Variants in ANO2 observed in about 807,000 individuals in gnomAD.
The protein encoded by ANO2 is anoctamin-2.
ANO2 carries 101 observed loss-of-function variants against 124.2 expected under a neutral mutation model. The ratio of observed to expected loss-of-function variants is 0.81; its 90% CI spans 0.69 to 0.96. The LOEUF (loss-of-function observed/expected upper bound fraction) is 0.96. ANO2 is among the 40% of genes least tolerant of loss of function. ANO2 has a pLI of 0.00. For synonymous variants in ANO2, 486 were observed against 482.5 expected (o/e 1.01, Z -0.09); for missense variants, 1,293 against 1,274.5 (o/e 1.01, Z -0.22).
intron 3 of ANO2, among the ~76,000 whole-genome samples, chr12:5,907,964 G>A (rs999026805): frequency 2.0e-5 from 3 of 152,228 alleles, no homozygotes; most frequent in Non-Finnish European, 2.9e-5. Context: ...GCTCACAGGC[G>A]TGGCCTGAGT....
chr12:5,618,411 G>A (rs560212769), intron 16 of ANO2, among the ~76,000 whole-genome samples: 1 of 152,286 alleles, frequency 6.6e-6, no homozygotes, highest in South Asian at 2.1e-4. Flanking sequence ...ATACGTAGGT[G>A]TGCACTGTCA....
At chr12:5,710,215 G>A (rs1040209456) in intron 14 of ANO2, among the ~76,000 whole-genome samples, 3 of 152,192 alleles carry the variant, frequency 2.0e-5, no homozygotes, top group Non-Finnish European at 2.9e-5. Flanking sequence ...GTGGAGAGAG[G>A]GGACAGGCCC....
chr12:5,648,948 G>A (rs1946779613), intron 14 of ANO2, among the ~76,000 whole-genome samples: 1 of 152,202 alleles, frequency 6.6e-6, no homozygotes, highest in Admixed American at 6.5e-5. Flanking sequence ...GCCTTTGAAA[G>A]CTTGTACTGT....
chr12:5,638,243 T>C (rs376062063), intron 15 of ANO2, among the ~76,000 whole-genome samples: 3 of 141,454 alleles, frequency 2.1e-5, no homozygotes, highest in African/African-American at 7.8e-5. Flanking sequence ...TTTCCTTTTT[T>C]TTTTTTTTTT....
At chr12:5,575,719 C>A in intron 23 of ANO2, 115 bp downstream of exon 23, 1 of 1,196,286 alleles carries the variant, frequency 8.4e-7, no homozygotes, top group Non-Finnish European at 1.2e-6. Flanking sequence ...ATGTGGTCTG[C>A]TGTTGTCCAA....
intron 14 of ANO2, among the ~76,000 whole-genome samples, chr12:5,712,288 A>G (rs908697321): frequency 6.7e-6 from 1 of 148,788 alleles, no homozygotes; most frequent in East Asian, 1.9e-4. Flanking sequence ...CTGACTTGGA[A>G]AAAAAAAAAA....
rs371928953 is a variant in ANO2, at chr12:5,578,384, C to T, written c.2368G>A (p.Val790Ile). 3.1e-6 allele frequency: 5 copies of T among 1,613,784 alleles called. No homozygotes were observed. The highest frequency in any genetic ancestry group is 1.1e-5 in the South Asian group (1 of 91,064). ...CACGTACCGATATCTTTGGTTCTTACAGCATCCGGCCGTCTCAGCTCTGTA... is the reference window on the plus strand; with the variant it reads ...CACGTACCGATATCTTTGGTTCTTATAGCATCCGGCCGTCTCAGCTCTGTA... ...FVTELRRPDAVRTKDIGIWFD... is the reference protein window; with the variant it reads ...FVTELRRPDAIRTKDIGIWFD... Residue 790 changes from valine (V) to isoleucine (I), a missense_variant, in exon 21 of 25, where the codon GTA (valine) becomes ATA (isoleucine). Val to Ile is a conservative substitution (Grantham distance 29, BLOSUM62 3). Coordinates refer to ENST00000682330, the MANE Select transcript of ANO2 (RefSeq NM_001364791.2).
chr12:5,600,003 TC>T (rs1478020778), intron 19 of ANO2, among the ~76,000 whole-genome samples: 14 of 152,194 alleles, frequency 9.2e-5, no homozygotes, highest in Non-Finnish European at 1.5e-4. Context: ...AGGTCTGTTC[TC>T]CTCCTAGGTG....
At chr12:5,723,636 C>G (rs796425817) in intron 14 of ANO2, among the ~76,000 whole-genome samples, 1 of 132,564 alleles carries the variant, frequency 7.5e-6, no homozygotes, top group Non-Finnish European at 1.6e-5. Flanking sequence ...GGCGGGGGCG[C>G]GGGTAGAGAA....
chr12:5,582,607 T>C (rs1382241746), intron 20 of ANO2, among the ~76,000 whole-genome samples: 2 of 152,234 alleles, frequency 1.3e-5, no homozygotes, highest in Non-Finnish European at 2.9e-5. Context: ...TTTTTACTCA[T>C]TTATTTAAGA....
At chr12:5,926,042 T>C (rs1267708745) in intron 1 of ANO2, among the ~76,000 whole-genome samples, 1 of 152,226 alleles carries the variant, frequency 6.6e-6, no homozygotes, top group African/African-American at 2.4e-5. Context: ...AAAGTCAACA[T>C]GCCCAAATCC....
intron 19 of ANO2, among the ~76,000 whole-genome samples, chr12:5,600,481 T>C (rs1943887977): frequency 6.6e-6 from 1 of 152,222 alleles, no homozygotes. Context: ...AGAATGATAA[T>C]AATGGCCCAA....
intron 10 of ANO2, among the ~76,000 whole-genome samples, chr12:5,773,258 T>C (rs1206276748): frequency 6.6e-6 from 1 of 152,224 alleles, no homozygotes; most frequent in African/African-American, 2.4e-5. Context: ...TTTCCTGTAG[T>C]CCTCAATTAC....
At chr12:5,808,272 T>C (rs530220340) in intron 7 of ANO2, among the ~76,000 whole-genome samples, 1 of 152,344 alleles carries the variant, frequency 6.6e-6, no homozygotes, top group Non-Finnish European at 1.5e-5. Context: ...TAAACAAATG[T>C]GAAATGAACA....
intron 4 of ANO2, among the ~76,000 whole-genome samples, chr12:5,851,739 G>A (rs534562805): frequency 6.6e-6 from 1 of 151,554 alleles, no homozygotes; most frequent in East Asian, 1.9e-4. Flanking sequence ...GCAAAGAACA[G>A]AGAGAGAGGC....
chr12:5,814,207 C>T (rs1476747517), intron 7 of ANO2, among the ~76,000 whole-genome samples: 1 of 152,244 alleles, frequency 6.6e-6, no homozygotes, highest in Non-Finnish European at 1.5e-5. Flanking sequence ...AAGAGCTCTA[C>T]TATTGTTAAT....
At chr12:5,914,843 G>A (rs1333108951) in intron 3 of ANO2, among the ~76,000 whole-genome samples, 2 of 152,208 alleles carry the variant, frequency 1.3e-5, no homozygotes, top group Non-Finnish European at 2.9e-5. Flanking sequence ...TACTGTGCCT[G>A]GTTCTCAGAC....
At chr12:5,621,098 G>A (rs970241901) in intron 16 of ANO2, among the ~76,000 whole-genome samples, 6 of 151,990 alleles carry the variant, frequency 3.9e-5, no homozygotes, top group African/African-American at 1.5e-4. Context: ...TTTCGGTTTC[G>A]AGATCTCATC....
At chr12:5,745,663 A>G (rs1311877387) in intron 11 of ANO2, among the ~76,000 whole-genome samples, 1 of 152,142 alleles carries the variant, frequency 6.6e-6, no homozygotes, top group African/African-American at 2.4e-5. Flanking sequence ...TTCTGTTTTT[A>G]ATGAGCTACT....
Sources: gnomAD v4.1 joint callset for allele counts (sites outside exome capture counted in the v4.1 genomes callset) on GRCh38, gnomAD v4.1.1 for gene constraint, MANE v1.5 for transcripts, NCBI Gene and HGNC (gene_info 2026-07-23, HGNC 2026-07-21) for gene names.